The following SUFU variants were observed in gnomAD, a reference collection of about 807,000 sequenced individuals.
The protein encoded by SUFU is SUFU negative regulator of hedgehog signaling, also known as suppressor of fused homolog.
SUFU carries 7 observed loss-of-function variants against 58.9 expected under a neutral mutation model. The ratio of observed to expected loss-of-function variants is 0.12; its 90% confidence interval spans 0.07 to 0.22. The LOEUF (loss-of-function observed/expected upper bound fraction) is 0.22. SUFU is among the 10% of genes least tolerant of loss of function. SUFU has a pLI of 1.00. For missense variants in SUFU, 451 were observed against 641.3 expected (o/e 0.70, Z 3.20); for synonymous variants, 232 against 254.8 (o/e 0.91, Z 0.85).
intron 9 of SUFU, 24 bp downstream of exon 9, chr10:102,615,426 C>G (rs1027857705): frequency 1.2e-6 from 2 of 1,613,788 alleles, no homozygotes; most frequent in East Asian, 4.5e-5. Context: ...CCCTGCCACA[C>G]AGTTTACCCC....
At chr10:102,596,464 C>T (rs2063462789) in intron 6 of SUFU, among the ~76,000 whole-genome samples, 1 of 152,156 alleles carries the variant, frequency 6.6e-6, no homozygotes, top group Non-Finnish European at 1.5e-5. Flanking sequence ...GGCAGGGTCT[C>T]GATGGGGAGA....
At chr10:102,577,847 AT>A (rs1156729269) in intron 3 of SUFU, among the ~76,000 whole-genome samples, 58 of 149,770 alleles carry the variant, frequency 3.9e-4, no homozygotes, top group African/African-American at 1.3e-3. Flanking sequence ...TGCCCGGCTA[AT>A]TTTTTTGTAT....
At position 102,629,107 on chromosome 10, in the gene SUFU, G is replaced by A. The variant is rs2063814492; in HGVS notation, c.1366-959G>A. 6.6e-6 allele frequency among the ~76,000 whole-genome samples: 1 copy of A among 152,122 alleles called. No individual in the cohort carries two copies. The highest frequency in any genetic ancestry group is 2.4e-5 in the African/African-American group (1 of 41,418). On this transcript the variant is annotated intron_variant, in intron 11 of 11. Coordinates refer to ENST00000369902, the MANE Select transcript of SUFU (RefSeq NM_016169.4). This position sits in a 1 kb window ranked among gnomAD's most constrained non-coding sequence, Gnocchi z 4.7. Reference sequence around the variant, plus strand: ...GGAAGCAAAAGTTGCAGTGAGCCGAGATCGCGCCATTGCACTCCAGCCTGG... The same window carrying A: ...GGAAGCAAAAGTTGCAGTGAGCCGAAATCGCGCCATTGCACTCCAGCCTGG...
intron 1 of SUFU, among the ~76,000 whole-genome samples, chr10:102,504,899 C>T (rs990650836): frequency 1.3e-5 from 2 of 152,084 alleles, no homozygotes; most frequent in Non-Finnish European, 2.9e-5. Flanking sequence ...GATACCTTCC[C>T]GATTAGCTCA....
intron 6 of SUFU, among the ~76,000 whole-genome samples, chr10:102,595,800 C>T (rs953392827): frequency 6.6e-6 from 1 of 151,832 alleles, no homozygotes; most frequent in Non-Finnish European, 1.5e-5. Context: ...GGCATATATT[C>T]CTGTGATTCA....
At position 102,546,699 on chromosome 10, in the gene SUFU, ACTT is replaced by A. The variant is rs1374415743; in HGVS notation, c.318-3268_318-3266del. 3.3e-5 allele frequency among the ~76,000 whole-genome samples: 5 copies of A among 152,282 alleles called. No homozygotes were observed. In the East Asian group the frequency reaches 5.8e-4, roughly 18 times the overall value. On this transcript the variant is annotated intron_variant, in intron 2 of 11. Transcript: ENST00000369902. ...TGGGCAGCCTGCTTTGAAAAAGAGA[ACTT>A]CTGACAGACTTCAGGTCGTGTGTTT... is the stretch of plus-strand genomic sequence containing the variant.
chr10:102,593,546 T>G (rs1473895412), intron 4 of SUFU, 90 bp from the exon 5 acceptor site: 1 of 1,282,084 alleles, frequency 7.8e-7, no homozygotes, highest in East Asian at 2.3e-5. Context: ...GTCTCCCAAC[T>G]GGAGGTGACT....
intron 3 of SUFU, among the ~76,000 whole-genome samples, chr10:102,567,845 A>G (rs1326433287): frequency 1.3e-5 from 2 of 152,114 alleles, no homozygotes; most frequent in Non-Finnish European, 2.9e-5. Flanking sequence ...GGGAGAGGCT[A>G]TAGCCCAATA....
At chr10:102,627,317 G>T in intron 11 of SUFU, 74 bp downstream of exon 11, 1 of 1,311,854 alleles carries the variant, frequency 7.6e-7, no homozygotes, top group Non-Finnish European at 1.1e-6. Flanking sequence ...GTGCACGTCT[G>T]TGCATGCATG....
chr10:102,610,371 C>A (rs113679562), intron 8 of SUFU, among the ~76,000 whole-genome samples: 4,199 of 127,008 alleles, frequency 0.033, 218 homozygotes, highest in African/African-American at 0.12. Context: ...CCAGCCTGGG[C>A]GTCGCAGCAA....
chr10:102,504,463 TTGC>T, intron 1 of SUFU, 129 bp downstream of exon 1: 1 of 1,505,224 alleles, frequency 6.6e-7, no homozygotes, highest in Non-Finnish European at 8.9e-7. Flanking sequence ...GGAGGGCTTC[TTGC>T]TGCGAGGGAA....
chr10:102,539,621 G>C (rs2062777302), intron 2 of SUFU, among the ~76,000 whole-genome samples: 2 of 152,088 alleles, frequency 1.3e-5, no homozygotes, highest in Non-Finnish European at 2.9e-5. Context: ...TATTACAATA[G>C]TTGTCAAATG....
chr10:102,508,361 T>C (rs1183253557), intron 1 of SUFU, among the ~76,000 whole-genome samples: 1 of 152,220 alleles, frequency 6.6e-6, no homozygotes, highest in Non-Finnish European at 1.5e-5. Context: ...ACTGAATCTC[T>C]TCCGCAACTC....
At chr10:102,507,307 C>T (rs1057006163) in intron 1 of SUFU, among the ~76,000 whole-genome samples, 1 of 152,158 alleles carries the variant, frequency 6.6e-6, no homozygotes, top group Non-Finnish European at 1.5e-5. Context: ...CAGGATGGAC[C>T]TAGGCTGTAG....
chr10:102,549,154 A>G (rs1590018132), intron 2 of SUFU, among the ~76,000 whole-genome samples: 1 of 152,178 alleles, frequency 6.6e-6, no homozygotes, highest in South Asian at 2.1e-4. Context: ...TGGAGGTGGG[A>G]GTGGAGAAAG....
chr10:102,564,826 T>C (rs1473772141), intron 3 of SUFU, among the ~76,000 whole-genome samples: 1 of 152,224 alleles, frequency 6.6e-6, no homozygotes, highest in African/African-American at 2.4e-5. Flanking sequence ...TATTTTCACT[T>C]TTATCAGTTA....
chr10:102,562,768 G>A (rs2063051660), intron 3 of SUFU, among the ~76,000 whole-genome samples: 1 of 151,642 alleles, frequency 6.6e-6, no homozygotes. Flanking sequence ...GTGCATATCT[G>A]TAATCCCAGC....
At chr10:102,546,280 T>C (rs1241272174) in intron 2 of SUFU, among the ~76,000 whole-genome samples, 1 of 151,734 alleles carries the variant, frequency 6.6e-6, no homozygotes, top group African/African-American at 2.4e-5. Context: ...ATCTTGAGAG[T>C]CTTATCTCAT....
At position 102,627,204 on chromosome 10, in the gene SUFU, A is replaced by C. The variant is rs1311816626; in HGVS notation, c.1326A>C (p.Lys442Asn). Residue 442 changes from lysine to asparagine, a missense_variant, in exon 11 of 12, where the codon AAA (lysine) becomes AAC (asparagine). Coordinates refer to ENST00000369902, the MANE Select transcript of SUFU (RefSeq NM_016169.4). ...QILLTEEFVEKMLEDLEDLTS... is the reference protein window; with the variant it reads ...QILLTEEFVENMLEDLEDLTS... The stretch of plus-strand genomic sequence containing the variant: ...TGTTGACCGAAGAGTTTGTAGAGAA[A>C]ATGTTGGAGGATTTAGAAGATTTGA... The C allele has an allele frequency of 6.2e-7, 1 of 1,614,130 alleles. No individual in the cohort carries two copies. Among genetic ancestry groups the C allele is most frequent in the African/African-American group, 1.3e-5 (1 of 74,936 alleles).
Sources: allele counts gnomAD v4.1 joint callset (sites outside exome capture counted in the v4.1 genomes callset), GRCh38; gene constraint gnomAD v4.1.1; non-coding constraint Gnocchi (gnomAD v3.1); transcripts MANE v1.5; gene names NCBI Gene and HGNC (gene_info 2026-07-23, HGNC 2026-07-21).